CDK13: variants seen among roughly 807,000 people sequenced by gnomAD.
CDK13 encodes cyclin dependent kinase 13, also known as cyclin-dependent kinase 13.
In CDK13, 40 loss-of-function variants were observed where a neutral mutation model predicts 137.6. That is an observed-to-expected ratio of 0.29 (90% CI 0.23 to 0.38). The LOEUF is 0.38. Ranked by LOEUF, CDK13 falls within the 10% of genes least tolerant of loss-of-function variation. The pLI is 1.00. For synonymous variants in CDK13, 869 were observed against 760.1 expected (o/e 1.14, Z -2.36); for missense variants, 1,704 against 1,951.8 (o/e 0.87, Z 2.39).
chr7:39,951,608 G>A lies in CDK13; in HGVS notation c.967G>A (p.Asp323Asn), dbSNP rs1405991709. 24 of 1,483,678 alleles carry A rather than the reference G, an allele frequency of 1.6e-5. No homozygotes were observed. The highest frequency in any genetic ancestry group is 2.1e-5 in the Non-Finnish European group (24 of 1,120,140). 91.9% of individuals were successfully genotyped at this position (1,483,678 alleles called of 1,614,324 possible). A position where few individuals can be genotyped will look rare whatever the true frequency, so the allele number is the denominator to read the frequency against. The part of the protein sequence containing the change: ...RRSLSPLGGR[D>N]DSPVSHRASQ... Reference sequence around the variant, plus strand: ...GTCCCTCAGCCCACTGGGAGGCCGGGACGACAGCCCGGTGTCCCACAGGGC... The same window carrying A: ...GTCCCTCAGCCCACTGGGAGGCCGGAACGACAGCCCGGTGTCCCACAGGGC... The change falls in exon 1 of 14, where the codon GAC becomes AAC. Residue 323 changes from aspartate (D) to asparagine (N), a missense_variant. Coordinates refer to ENST00000181839, the MANE Select transcript of CDK13 (RefSeq NM_003718.5).
chr7:40,000,042 G>T (rs560492856), intron 4 of CDK13, among the ~76,000 whole-genome samples: 15 of 152,272 alleles, frequency 9.9e-5, no homozygotes, highest in African/African-American at 3.6e-4. Context: ...AATGCATAGA[G>T]CTAGTATTTT....
chr7:40,031,296 C>A (rs1047825113), intron 5 of CDK13, among the ~76,000 whole-genome samples: 1 of 152,008 alleles, frequency 6.6e-6, no homozygotes, highest in Middle Eastern at 3.2e-3. Flanking sequence ...CCAAGGTGGG[C>A]GGATCACTTG....
intron 2 of CDK13, 119 bp downstream of exon 2, chr7:39,988,377 G>C: frequency 1.5e-6 from 1 of 671,336 alleles, no homozygotes; most frequent in Non-Finnish European, 2.4e-6. Context: ...GACTACAAGT[G>C]AATGAATTTT....
intron 7 of CDK13, among the ~76,000 whole-genome samples, chr7:40,059,517 C>A (rs569996969): frequency 1.5e-4 from 23 of 152,278 alleles, no homozygotes; most frequent in African/African-American, 2.2e-4. Context: ...TGCCACCACG[C>A]CTGGCTAATT....
At chr7:40,088,867 A>G (rs1489485262) in intron 12 of CDK13, among the ~76,000 whole-genome samples, 1 of 151,538 alleles carries the variant, frequency 6.6e-6, no homozygotes, top group Non-Finnish European at 1.5e-5. Context: ...ATCACCTGAG[A>G]TCAGGAGTTC....
rs538614160 is a variant in CDK13, at chr7:40,096,005, G to C, written c.*1025G>C. On this transcript the variant is annotated 3_prime_UTR_variant, in exon 14 of 14. Coordinates refer to ENST00000181839, the MANE Select transcript of CDK13 (RefSeq NM_003718.5). ...AAGTAATAGCTCCAGGAGAATTTTA[G>C]AGTACCATTTTCTTTCAGGCTGCCA... 2 of 152,244 alleles carry C rather than the reference G, an allele frequency of 1.3e-5. No homozygotes were observed. Among genetic ancestry groups the C allele is most frequent in the African/African-American group, 4.8e-5 (2 of 41,558 alleles). The allele number at this position is 152,244 out of a possible 1,614,324, so 9.4% of individuals were successfully genotyped here.
chr7:40,076,595 AG>A (rs1786549678), intron 9 of CDK13, among the ~76,000 whole-genome samples: 1 of 152,176 alleles, frequency 6.6e-6, no homozygotes, highest in Non-Finnish European at 1.5e-5. Flanking sequence ...GACAAAAGAG[AG>A]TAGAACTATG....
At chr7:40,086,998 G>A (rs1329047435) in intron 11 of CDK13, among the ~76,000 whole-genome samples, 3 of 151,622 alleles carry the variant, frequency 2.0e-5, no homozygotes, top group African/African-American at 4.8e-5. Context: ...TAGAGACAGG[G>A]TTTCAGCATG....
intron 12 of CDK13, among the ~76,000 whole-genome samples, chr7:40,090,560 G>T (rs187087753): frequency 6.6e-6 from 1 of 152,190 alleles, no homozygotes; most frequent in East Asian, 1.9e-4. Context: ...TGCCATGTTG[G>T]CCAGGCTGGT....
At chr7:39,958,743 T>TG (rs1787507881) in intron 1 of CDK13, among the ~76,000 whole-genome samples, 1 of 152,222 alleles carries the variant, frequency 6.6e-6, no homozygotes, top group African/African-American at 2.4e-5. Context: ...AAATTTTTTT[T>TG]TGTGTATTTG....
At chr7:39,960,421 A>C (rs1425635526) in intron 1 of CDK13, among the ~76,000 whole-genome samples, 1 of 151,468 alleles carries the variant, frequency 6.6e-6, no homozygotes, top group Non-Finnish European at 1.5e-5. Flanking sequence ...ACGCTTGGCT[A>C]ATTTTTTTTG....
intron 1 of CDK13, among the ~76,000 whole-genome samples, chr7:39,974,154 A>T (rs1784056742): frequency 1.3e-5 from 2 of 152,224 alleles, no homozygotes; most frequent in Non-Finnish European, 2.9e-5. Flanking sequence ...CATTGATTTT[A>T]AAAATTTTTT....
chr7:39,998,583 T>G (rs1784614029), intron 3 of CDK13: 1 of 151,712 alleles, frequency 6.6e-6, no homozygotes, highest in East Asian at 1.9e-4. Context: ...CGTGTGCCAC[T>G]GTACTCCAGC....
chr7:39,966,406 A>G (rs1216895250), intron 1 of CDK13, among the ~76,000 whole-genome samples: 1 of 152,230 alleles, frequency 6.6e-6, no homozygotes, highest in East Asian at 1.9e-4. Context: ...CGAATCAGCT[A>G]CTGAGGCTTG....
intron 2 of CDK13, among the ~76,000 whole-genome samples, chr7:39,989,531 C>T (rs1437193372): frequency 1.3e-5 from 2 of 151,810 alleles, no homozygotes; most frequent in African/African-American, 4.8e-5. Flanking sequence ...AGTTTCATGC[C>T]CTTTGAGGTG....
chr7:39,992,619 GAAAT>G (rs762677260), intron 2 of CDK13, among the ~76,000 whole-genome samples: 1 of 151,784 alleles, frequency 6.6e-6, no homozygotes, highest in Non-Finnish European at 1.5e-5. Flanking sequence ...TAATCTAACA[GAAAT>G]AAATAATAAT....
chr7:40,081,979 G>C (rs1225051121), intron 11 of CDK13, among the ~76,000 whole-genome samples: 1 of 152,192 alleles, frequency 6.6e-6, no homozygotes, highest in African/African-American at 2.4e-5. Flanking sequence ...TAATGAAAGA[G>C]AGGGCTGAGA....
intron 9 of CDK13, chr7:40,069,438 C>T (rs1181278988): frequency 2.7e-6 from 1 of 374,922 alleles, no homozygotes; most frequent in African/African-American, 2.1e-5. Context: ...ACTTCCTGCG[C>T]TTATGGTTTA....
In CDK13 at chr7:40,094,758, C is replaced by T. The variant is rs751318037; in HGVS notation, c.4317C>T (p.Asn1439=). 16 of 1,613,320 alleles carry T rather than the reference C, an allele frequency of 9.9e-6. 1 individual carries two copies. In the Admixed American group the frequency reaches 2.7e-4, roughly 27 times the overall value. The change falls in exon 14 of 14, where the codon AAC becomes AAT. Residue 1439 remains asparagine, a synonymous_variant. Transcript: ENST00000181839. ...ATGGTCCTATTGCAGTCCTGGCAAACAGCAGTGACCCTTCCACGGGGCCAG... is the reference window on the plus strand; with the variant it reads ...ATGGTCCTATTGCAGTCCTGGCAAATAGCAGTGACCCTTCCACGGGGCCAG... ...YSHGPIAVLA[N]SSDPSTGPES... is the part of the protein sequence containing the mutation.
Sources: gnomAD v4.1 joint callset for allele counts (sites outside exome capture counted in the v4.1 genomes callset) on GRCh38, gnomAD v4.1.1 for gene constraint, MANE v1.5 for transcripts, NCBI Gene and HGNC (gene_info 2026-07-23, HGNC 2026-07-21) for gene names.